The following ITCH variants were observed in gnomAD, a reference collection of about 807,000 sequenced individuals.
ITCH encodes the protein E3 ubiquitin-protein ligase Itchy homolog.
A neutral mutation model predicts 126.8 loss-of-function variants in ITCH; 28 were observed. The ratio of observed to expected loss-of-function variants is 0.22; its 90% confidence interval spans 0.16 to 0.30. ITCH has a LOEUF of 0.30. ITCH is among the 10% of genes least tolerant of loss of function. The pLI, the probability that ITCH is intolerant of heterozygous loss-of-function variation, is 1.00. For missense variants in ITCH, 631 were observed against 1,032.4 expected (o/e 0.61, Z 5.33); for synonymous variants, 342 against 340.0 (o/e 1.01, Z -0.06).
intron 15 of ITCH, 147 bp downstream of exon 15, chr20:34,470,267 A>C: frequency 1.3e-6 from 1 of 761,870 alleles, no homozygotes; most frequent in Non-Finnish European, 2.4e-6. Flanking sequence ...AGAGCAAATA[A>C]ATAGATTTAT....
Position 34,413,666 on chromosome 20 carries a change from A to C in ITCH, c.338-76A>C, listed in dbSNP as rs772171346. ...TTTTCTCGGACATCACATTTTTAACAGTTAATTTTTAACAGTTAAGATGCC... is the reference window on the plus strand; with the variant it reads ...TTTTCTCGGACATCACATTTTTAACCGTTAATTTTTAACAGTTAAGATGCC... On this transcript the variant is annotated intron_variant, in intron 5 of 24. Transcript: ENST00000374864. 153 of 1,302,512 alleles carry C rather than the reference A, an allele frequency of 1.2e-4. 1 individual carries two copies. Among genetic ancestry groups the C allele is most frequent in the Non-Finnish European group, 1.6e-4 (145 of 934,876 alleles). 80.7% of individuals were successfully genotyped at this position (1,302,512 alleles called of 1,614,324 possible). A position where few individuals can be genotyped will look rare whatever the true frequency, so the allele number is the denominator to read the frequency against.
At chr20:34,453,383 T>C (rs1212148591) in intron 12 of ITCH, among the ~76,000 whole-genome samples, 1 of 152,104 alleles carries the variant, frequency 6.6e-6, no homozygotes, top group Non-Finnish European at 1.5e-5. Flanking sequence ...AGGCCAAGGC[T>C]TGTGTCCAGG....
intron 8 of ITCH, 143 bp downstream of exon 8, chr20:34,438,774 T>C: frequency 8.8e-7 from 1 of 1,137,064 alleles, no homozygotes; most frequent in East Asian, 2.5e-5. Context: ...GATCTTTCTG[T>C]AGGTAACCAA....
intron 7 of ITCH, among the ~76,000 whole-genome samples, chr20:34,427,017 G>T (rs1400449067): frequency 6.6e-6 from 1 of 152,062 alleles, no homozygotes; most frequent in Admixed American, 6.6e-5. Flanking sequence ...TTCGTGATCT[G>T]CCTGCCTCAG....
At chr20:34,485,745 C>T (rs190765152) in intron 20 of ITCH, among the ~76,000 whole-genome samples, 2 of 152,118 alleles carry the variant, frequency 1.3e-5, no homozygotes, top group African/African-American at 2.4e-5. Context: ...TACAGTGGCA[C>T]GATCAGAGCT....
intron 2 of ITCH, among the ~76,000 whole-genome samples, chr20:34,381,469 C>T (rs2146022403): frequency 6.6e-6 from 1 of 151,902 alleles, no homozygotes; most frequent in East Asian, 2.0e-4. Context: ...CTTTGTCGCC[C>T]AGGCTGGAGT....
At chr20:34,404,639 C>T (rs186527150) in intron 3 of ITCH, among the ~76,000 whole-genome samples, 71 of 152,184 alleles carry the variant, frequency 4.7e-4, no homozygotes, top group Non-Finnish European at 6.5e-4. Flanking sequence ...AAGCTGGCTC[C>T]TGACCCCCGT....
At chr20:34,385,182 T>A (rs555698429) in intron 2 of ITCH, among the ~76,000 whole-genome samples, 37 of 145,754 alleles carry the variant, frequency 2.5e-4, no homozygotes, top group African/African-American at 9.1e-4. Context: ...CACGTCCAGC[T>A]AATTTTATGT....
chr20:34,506,815 G>T (rs555457483), intron 24 of ITCH, among the ~76,000 whole-genome samples: 81 of 152,072 alleles, frequency 5.3e-4, no homozygotes, highest in African/African-American at 1.9e-3. Flanking sequence ...GTGTAGAATC[G>T]TACCTTATTT....
chr20:34,457,994 T>C (rs1986179765), intron 13 of ITCH, among the ~76,000 whole-genome samples: 1 of 152,096 alleles, frequency 6.6e-6, no homozygotes, highest in Admixed American at 6.5e-5. Context: ...ATCTGGCACA[T>C]GAGAATATAC....
chr20:34,474,875 C>T (rs1213045878), intron 16 of ITCH, among the ~76,000 whole-genome samples: 1 of 151,228 alleles, frequency 6.6e-6, no homozygotes, highest in African/African-American at 2.4e-5. Context: ...GGCTGCCGGG[C>T]GGAGGGGCTC....
At chr20:34,371,512 G>C (rs917750250) in intron 2 of ITCH, among the ~76,000 whole-genome samples, 6 of 151,930 alleles carry the variant, frequency 3.9e-5, no homozygotes, top group South Asian at 2.1e-4. Flanking sequence ...TTGAACTCCT[G>C]ACCTCAGGTG....
rs998374354 is a variant in ITCH at position 34,402,778 on chromosome 20, T to G, written c.71-5873T>G. The G allele has an allele frequency of 3.2e-5, 8 of 246,472 alleles. No individual in the cohort carries two copies. The Admixed American group carries it at 3.5e-4, about 11-fold the overall frequency. The allele number at this position is 246,472 out of a possible 1,614,324, so 15.3% of individuals were successfully genotyped here. A position where few individuals can be genotyped will look rare whatever the true frequency, so the allele number is the denominator to read the frequency against. ...TTCTCCACCGGGTTGTTGGCTCATC[T>G]GTGTTTTTTATTTGATGTTTGTTGT... On this transcript the variant is annotated intron_variant, in intron 3 of 24. Coordinates refer to ENST00000374864, the MANE Select transcript of ITCH (RefSeq NM_031483.7).
intron 6 of ITCH, among the ~76,000 whole-genome samples, chr20:34,419,021 A>G (rs1440354632): frequency 2.6e-5 from 4 of 151,924 alleles, no homozygotes; most frequent in Admixed American, 2.6e-4. Context: ...TTGGCCTCCC[A>G]AAAAGTGCTG....
At chr20:34,469,981 T>G in intron 14 of ITCH, 67 bp from the exon 15 acceptor site, 1 of 1,210,294 alleles carries the variant, frequency 8.3e-7, no homozygotes, top group South Asian at 1.2e-5. Flanking sequence ...TGGGATATTT[T>G]GCTTTCCTTC....
At chr20:34,464,478 C>T (rs1311483302) in intron 14 of ITCH, among the ~76,000 whole-genome samples, 1 of 151,940 alleles carries the variant, frequency 6.6e-6, no homozygotes, top group Non-Finnish European at 1.5e-5. Flanking sequence ...AGGCATGCAC[C>T]ACCACGCTGA....
At chr20:34,379,982 C>T (rs147137040) in intron 2 of ITCH, among the ~76,000 whole-genome samples, 270 of 150,832 alleles carry the variant, frequency 1.8e-3, no homozygotes, top group African/African-American at 5.9e-3. Flanking sequence ...CTGCAACCTC[C>T]GCCTCCCAGG....
chr20:34,462,232 T>C lies in ITCH; in HGVS notation c.1424+11T>C. The C allele has an allele frequency of 6.2e-7, 1 of 1,612,860 alleles. No homozygotes were observed. The highest frequency in any genetic ancestry group is 8.5e-7 in the Non-Finnish European group (1 of 1,178,960). ...AGGAAAATCTGCCCTGTAAGTTTTC[T>C]AAACATTGTAGATTAAGAGTAAAAT... On this transcript the variant is annotated intron_variant, in intron 14 of 24. Coordinates refer to ENST00000374864, the MANE Select transcript of ITCH (RefSeq NM_031483.7).
chr20:34,483,736 G>T (rs1253237840), intron 20 of ITCH, among the ~76,000 whole-genome samples: 1 of 152,152 alleles, frequency 6.6e-6, no homozygotes, highest in African/African-American at 2.4e-5. Context: ...CTGTTACCCA[G>T]TTCTAAAGTT....
Sources: gnomAD v4.1 joint callset for allele counts (sites outside exome capture counted in the v4.1 genomes callset) on GRCh38, gnomAD v4.1.1 for gene constraint, MANE v1.5 for transcripts, NCBI Gene and HGNC (gene_info 2026-07-23, HGNC 2026-07-21) for gene names.